ADK: variants seen among roughly 807,000 people sequenced by gnomAD.
ADK encodes adenosine kinase.
In ADK, 24 loss-of-function variants were observed where a neutral mutation model predicts 44.7. The ratio of observed to expected loss-of-function variants is 0.54; its 90% CI spans 0.39 to 0.76. The LOEUF (loss-of-function observed/expected upper bound fraction) is 0.76. Ranked by LOEUF, ADK falls within the 30% of genes least tolerant of loss-of-function variation. The probability of loss-of-function intolerance (pLI) is 0.00; values close to 1 mark genes in which losing one functional copy is unlikely to be tolerated. For synonymous variants in ADK, 128 were observed against 142.6 expected, an observed-to-expected ratio of 0.90 and a Z score of 0.73; for missense variants, 321 against 425.1, an observed-to-expected ratio of 0.76 and a Z score of 2.15.
At chr10:74,278,483 A>T (rs985573928) in intron 3 of ADK, among the ~76,000 whole-genome samples, 3 of 151,452 alleles carry the variant, frequency 2.0e-5, no homozygotes, top group African/African-American at 7.3e-5. Flanking sequence ...TTAGATGCAC[A>T]TACTTTTAAA....
chr10:74,248,833 G>T (rs1845533692), intron 3 of ADK, among the ~76,000 whole-genome samples: 1 of 152,146 alleles, frequency 6.6e-6, no homozygotes, highest in African/African-American at 2.4e-5. Context: ...CCTTGAAGGA[G>T]GATGAGTTTT....
chr10:74,445,128 C>G (rs1470844630), intron 6 of ADK, among the ~76,000 whole-genome samples: 1 of 151,598 alleles, frequency 6.6e-6, no homozygotes, highest in Non-Finnish European at 1.5e-5. Flanking sequence ...ACATACTTGC[C>G]CAGATTTCTT....
In ADK at chr10:74,275,719, CACAATCTTGGCTT is replaced by C. The variant is rs538407427; in HGVS notation, c.195-38945_195-38933del. ...TGTCACCCAGGCTGGAGTGCAGTGGCACAATCTTGGCTTACTACAACCTCCACCTCCCATGTTC... is the reference window on the plus strand; with the variant it reads ...TGTCACCCAGGCTGGAGTGCAGTGGCACTACAACCTCCACCTCCCATGTTC... On this transcript the variant is annotated intron_variant, in intron 3 of 10. Transcript: ENST00000539909. 1.0e-3 allele frequency among the ~76,000 whole-genome samples: 156 copies of C among 152,166 alleles called. 1 individual carries two copies. The highest frequency in any genetic ancestry group is 3.5e-3 in the African/African-American group (144 of 41,516).
rs59922089 is a variant in ADK at position 74,167,767 on chromosome 10, T to C, written c.65+16424T>C. On this transcript the variant is annotated intron_variant, in intron 1 of 10. Transcript: ENST00000539909. ...TTAAGAGAAGGGAACATAGACTTCT[T>C]GTCTCTAAGATATTGTTCCCATTTT... 5.7e-3 allele frequency among the ~76,000 whole-genome samples: 866 copies of C among 152,348 alleles called. 10 individuals are homozygous for C. The highest frequency in any genetic ancestry group is 0.019 in the African/African-American group (804 of 41,582).
intron 1 of ADK, chr10:74,176,379 C>G: frequency 3.4e-6 from 3 of 890,174 alleles, no homozygotes; most frequent in Non-Finnish European, 4.1e-6. Flanking sequence ...TTAAATCCCA[C>G]TCCCGAAGAC....
chr10:74,169,195 C>T (rs889360051), intron 1 of ADK, among the ~76,000 whole-genome samples: 2 of 151,466 alleles, frequency 1.3e-5, no homozygotes, highest in Admixed American at 6.6e-5. Flanking sequence ...CTTCAGCCTG[C>T]GTGACAGTGG....
intron 6 of ADK, among the ~76,000 whole-genome samples, chr10:74,445,425 T>A (rs1029248138): frequency 3.3e-5 from 5 of 152,136 alleles, no homozygotes; most frequent in Admixed American, 3.3e-4. Context: ...AGCAATAAAT[T>A]GTATCTGATG....
intron 6 of ADK, among the ~76,000 whole-genome samples, chr10:74,483,358 C>G (rs922930446): frequency 6.6e-6 from 1 of 152,136 alleles, no homozygotes; most frequent in Admixed American, 6.5e-5. Context: ...GGTCCCTGAG[C>G]CTGGCCTAGG....
intron 4 of ADK, among the ~76,000 whole-genome samples, chr10:74,358,158 T>G (rs1799185804): frequency 6.6e-6 from 1 of 152,220 alleles, no homozygotes; most frequent in African/African-American, 2.4e-5. Flanking sequence ...TTGCAACAGA[T>G]GCAAAATTAT....
At chr10:74,235,884 G>T (rs899024195) in intron 3 of ADK, among the ~76,000 whole-genome samples, 2 of 152,176 alleles carry the variant, frequency 1.3e-5, no homozygotes, top group Admixed American at 1.3e-4. Context: ...ATCTCTTAGA[G>T]GGTTGTTATA....
intron 6 of ADK, among the ~76,000 whole-genome samples, chr10:74,459,036 T>C (rs1302203207): frequency 6.6e-6 from 1 of 152,158 alleles, no homozygotes; most frequent in Non-Finnish European, 1.5e-5. Context: ...TCCCAGCACT[T>C]TGGAGGCTGA....
chr10:74,545,197 T>G (rs1197970051), intron 7 of ADK, among the ~76,000 whole-genome samples: 1 of 152,244 alleles, frequency 6.6e-6, no homozygotes, highest in Non-Finnish European at 1.5e-5. Context: ...GACATTGCAC[T>G]CTGCACTAGA....
chr10:74,193,974 G>A lies in ADK; in HGVS notation c.66-6790G>A, dbSNP rs1843038524. On this transcript the variant is annotated intron_variant, in intron 1 of 10. Transcript: ENST00000539909. ...AAATCAACTAAAAAGTTCATCAAAG[G>A]ACTTTTAGAACTGAGCAGGAGGGAA... 2.0e-5 allele frequency among the ~76,000 whole-genome samples: 3 copies of A among 152,102 alleles called. 1 individual carries two copies. The highest frequency in any genetic ancestry group is 2.0e-4 in the Admixed American group (3 of 15,280).
intron 3 of ADK, among the ~76,000 whole-genome samples, chr10:74,293,938 C>T (rs894250536): frequency 5.9e-5 from 9 of 152,334 alleles, no homozygotes; most frequent in South Asian, 2.1e-4. Context: ...CCCTCACCCC[C>T]ACCTTCTTCC....
chr10:74,501,345 T>C (rs1325275459), intron 6 of ADK, among the ~76,000 whole-genome samples: 2 of 152,222 alleles, frequency 1.3e-5, no homozygotes, highest in African/African-American at 4.8e-5. Context: ...CTGATCCATG[T>C]ATTTCTTAAA....
At chr10:74,194,417 A>G (rs1476998415) in intron 1 of ADK, among the ~76,000 whole-genome samples, 1 of 152,192 alleles carries the variant, frequency 6.6e-6, no homozygotes, top group East Asian at 1.9e-4. Context: ...TTGCATCACC[A>G]TTGGAAATTG....
rs548802210 is a variant in ADK at position 74,196,495 on chromosome 10, G to A, written c.66-4269G>A. On this transcript the variant is annotated intron_variant, in intron 1 of 10. Transcript: ENST00000539909. ...GCGGAGTTTGCAGTGAACCGAGATT[G>A]CGCTACTGCATTCCAGCCTGGTGAC... 4.3e-4 allele frequency among the ~76,000 whole-genome samples: 65 copies of A among 152,102 alleles called. 2 individuals are homozygous for A. The highest frequency in any genetic ancestry group is 1.3e-4 in the Admixed American group (2 of 15,282).
intron 6 of ADK, among the ~76,000 whole-genome samples, chr10:74,474,443 T>G (rs1846736125): frequency 6.6e-6 from 1 of 151,874 alleles, no homozygotes; most frequent in African/African-American, 2.4e-5. Flanking sequence ...TTTCTTTTCT[T>G]TCTTTCTTTT....
At chr10:74,218,598 A>G (rs1844161606) in intron 2 of ADK, among the ~76,000 whole-genome samples, 1 of 152,200 alleles carries the variant, frequency 6.6e-6, no homozygotes, top group Non-Finnish European at 1.5e-5. Flanking sequence ...GAAGGAAAAA[A>G]TGTTAAGGGC....
Sources: allele counts gnomAD v4.1 joint callset (sites outside exome capture counted in the v4.1 genomes callset), GRCh38; gene constraint gnomAD v4.1.1; transcripts MANE v1.5; gene names NCBI Gene and HGNC (gene_info 2026-07-23, HGNC 2026-07-21).